The following OPCML variants were observed in gnomAD, a reference collection of about 807,000 sequenced individuals.
The protein encoded by OPCML is opioid-binding protein/cell adhesion molecule.
In OPCML, 13 loss-of-function variants were observed where a neutral mutation model predicts 37.8. The ratio of observed to expected loss-of-function variants is 0.34; its 90% CI spans 0.22 to 0.55. OPCML has a LOEUF of 0.55. OPCML is among the 20% of genes least tolerant of loss of function. OPCML has a pLI of 0.91. For synonymous variants in OPCML, 176 were observed against 168.8 expected (o/e 1.04, Z -0.33); for missense variants, 341 against 435.6 (o/e 0.78, Z 1.93).
intron 2 of OPCML, among the ~76,000 whole-genome samples, chr11:132,794,763 A>G (rs11223212): frequency 0.49 from 74,723 of 151,944 alleles, 18,582 homozygotes; most frequent in Admixed American, 0.52. Flanking sequence ...GTAAATAACT[A>G]GAAACATAAT....
At chr11:133,347,293 T>C (rs1944025823) in intron 1 of OPCML, among the ~76,000 whole-genome samples, 1 of 152,194 alleles carries the variant, frequency 6.6e-6, no homozygotes, top group Non-Finnish European at 1.5e-5. Context: ...CCAGCACAAG[T>C]GCAGTTGTCC....
intron 2 of OPCML, among the ~76,000 whole-genome samples, chr11:132,744,262 T>C (rs905247074): frequency 6.6e-6 from 1 of 152,214 alleles, no homozygotes; most frequent in Non-Finnish European, 1.5e-5. Flanking sequence ...CCATTTTTTA[T>C]GCACTCGCTT....
chr11:132,910,038 A>C lies in OPCML; in HGVS notation c.146+32888T>G, dbSNP rs537751788. ...TTTATTCAGAAGACAGGGAGTGAGC[A>C]AGGGAGAAAGAGATTTCCATCGAGA... On this transcript the variant is annotated intron_variant, in intron 2 of 7. Transcript: ENST00000524381. Among the ~76,000 whole-genome samples the C allele has an allele frequency of 2.6e-5, 4 of 152,360 alleles. No individual in the cohort carries two copies. The South Asian group carries it at 6.2e-4, about 24-fold the overall frequency.
chr11:132,869,568 A>T (rs768135681), intron 2 of OPCML, among the ~76,000 whole-genome samples: 1 of 152,226 alleles, frequency 6.6e-6, no homozygotes, highest in Non-Finnish European at 1.5e-5. Context: ...CCTTAAACAC[A>T]ATTTGATAAT....
At chr11:133,026,913 G>A (rs1947565560) in intron 1 of OPCML, among the ~76,000 whole-genome samples, 1 of 152,150 alleles carries the variant, frequency 6.6e-6, no homozygotes, top group Non-Finnish European at 1.5e-5. Flanking sequence ...AATACTTTAT[G>A]AGATACATGA....
intron 1 of OPCML, among the ~76,000 whole-genome samples, chr11:133,364,476 A>C (rs1944496746): frequency 6.6e-6 from 1 of 152,214 alleles, no homozygotes; most frequent in South Asian, 2.1e-4. Flanking sequence ...TTAATAGTTC[A>C]GGTCAGTGGA....
At chr11:132,709,327 G>A (rs1161078859) in intron 2 of OPCML, among the ~76,000 whole-genome samples, 1 of 152,056 alleles carries the variant, frequency 6.6e-6, no homozygotes, top group African/African-American at 2.4e-5. Flanking sequence ...GATAATACAG[G>A]GTGCTCCTGG....
chr11:132,540,962 C>G (rs73588933), intron 3 of OPCML, among the ~76,000 whole-genome samples: 1 of 152,146 alleles, frequency 6.6e-6, no homozygotes, highest in Non-Finnish European at 1.5e-5. Flanking sequence ...CTTTCCCCCC[C>G]GACTTGTAGG....
At chr11:132,747,894 T>C (rs1591551197) in intron 2 of OPCML, among the ~76,000 whole-genome samples, 1 of 152,122 alleles carries the variant, frequency 6.6e-6, no homozygotes, top group African/African-American at 2.4e-5. Flanking sequence ...CTCGAACTGC[T>C]GAGCTCAAGC....
intron 3 of OPCML, among the ~76,000 whole-genome samples, chr11:132,560,019 T>C (rs1331706151): frequency 2.0e-5 from 3 of 152,220 alleles, no homozygotes; most frequent in Non-Finnish European, 4.4e-5. Flanking sequence ...TTATGTGAAC[T>C]TAGTCATTTC....
At chr11:133,262,080 G>C (rs1318249440) in intron 1 of OPCML, among the ~76,000 whole-genome samples, 1 of 152,128 alleles carries the variant, frequency 6.6e-6, no homozygotes, top group Non-Finnish European at 1.5e-5. Context: ...ATTACTTTTA[G>C]TTGACAAATA....
At chr11:132,585,687 T>C (rs2096471111) in intron 3 of OPCML, among the ~76,000 whole-genome samples, 1 of 152,210 alleles carries the variant, frequency 6.6e-6, no homozygotes, top group Non-Finnish European at 1.5e-5. Flanking sequence ...CATGATGTAC[T>C]TAGAGCCAAG....
rs199626814 is a variant in OPCML at position 133,129,971 on chromosome 11, ATCAG to A, written c.62-186965_62-186962del. The stretch of plus-strand genomic sequence containing the variant: ...GTAAAATATGATTCATATTGAAAAA[ATCAG>A]TCAATTAAAAAAAGCAAGAATTGAC... On this transcript the variant is annotated intron_variant, in intron 1 of 7. Transcript: ENST00000524381. 7.7e-3 allele frequency among the ~76,000 whole-genome samples: 1,176 copies of A among 152,284 alleles called. 3 individuals are homozygous for A. The highest frequency in any genetic ancestry group is 0.014 in the African/African-American group (575 of 41,566).
At chr11:132,875,540 C>T (rs1942976512) in intron 2 of OPCML, among the ~76,000 whole-genome samples, 1 of 151,184 alleles carries the variant, frequency 6.6e-6, no homozygotes, top group Non-Finnish European at 1.5e-5. Context: ...TCTTGGCTCA[C>T]CGCAACCTCT....
intron 2 of OPCML, among the ~76,000 whole-genome samples, chr11:132,896,773 T>C (rs575018524): frequency 1.3e-4 from 20 of 152,320 alleles, no homozygotes; most frequent in African/African-American, 4.8e-4. Context: ...GACTTATGGG[T>C]AAGGCGTTTG....
chr11:133,204,882 A>ATATATATATATATATGTG (rs1938981010), intron 1 of OPCML, among the ~76,000 whole-genome samples: 2 of 30,218 alleles, frequency 6.6e-5, no homozygotes, highest in African/African-American at 2.5e-4. Flanking sequence ...ATATATATAT[A>ATATATATATATATATGTG]TATATATATA....
intron 1 of OPCML, among the ~76,000 whole-genome samples, chr11:132,956,749 C>T (rs969167627): frequency 2.0e-5 from 3 of 152,144 alleles, no homozygotes; most frequent in Admixed American, 6.5e-5. Flanking sequence ...ATTCTGTATT[C>T]GACCCTAAAA....
chr11:133,518,656 G>A (rs1211420212), intron 1 of OPCML, among the ~76,000 whole-genome samples: 1 of 147,814 alleles, frequency 6.8e-6, no homozygotes, highest in Non-Finnish European at 1.5e-5. Flanking sequence ...GGGCTGTGGC[G>A]TGGGCAGTGG....
rs554316850 is a variant in OPCML at position 132,671,816 on chromosome 11, G to A, written c.147-14497C>T. On this transcript the variant is annotated intron_variant, in intron 2 of 7. Coordinates refer to ENST00000524381, the MANE Select transcript of OPCML (RefSeq NM_001012393.5). Reference sequence around the variant, plus strand: ...AAATAAATAAGTTGAGAAAGAAAGAGAAGGAGAGAGAAAAGGAAGAAAAAA... The same window carrying A: ...AAATAAATAAGTTGAGAAAGAAAGAAAAGGAGAGAGAAAAGGAAGAAAAAA... 2.7e-3 allele frequency among the ~76,000 whole-genome samples: 408 copies of A among 151,722 alleles called. 1 individual carries two copies. The highest frequency in any genetic ancestry group is 4.8e-3 in the Non-Finnish European group (325 of 67,834).
Sources: gnomAD v4.1 joint callset for allele counts (sites outside exome capture counted in the v4.1 genomes callset) on GRCh38, gnomAD v4.1.1 for gene constraint, MANE v1.5 for transcripts, NCBI Gene and HGNC (gene_info 2026-07-23, HGNC 2026-07-21) for gene names.